The following SNX29 variants were observed in gnomAD, a reference collection of about 807,000 sequenced individuals.
SNX29 encodes the protein sorting nexin-29.
In SNX29, 78 loss-of-function variants were observed where a neutral mutation model predicts 102.1. The ratio of observed to expected loss-of-function variants is 0.76; its 90% CI spans 0.64 to 0.92. The LOEUF is 0.92. Ranked by LOEUF, SNX29 falls within the 40% of genes least tolerant of loss-of-function variation. The pLI is 0.00. For synonymous variants in SNX29, 580 were observed against 414.5 expected (o/e 1.40, Z -4.85); for missense variants, 1,280 against 1,061.7 (o/e 1.21, Z -2.86).
intron 1 of SNX29, among the ~76,000 whole-genome samples, chr16:11,986,732 C>T (rs1482132154): frequency 2.6e-5 from 4 of 152,178 alleles, no homozygotes; most frequent in African/African-American, 9.7e-5. Flanking sequence ...TAGGCGTTTC[C>T]TGTGAAGGGC....
At chr16:12,269,511 A>G (rs2079028773) in intron 14 of SNX29, among the ~76,000 whole-genome samples, 1 of 152,202 alleles carries the variant, frequency 6.6e-6, no homozygotes, top group South Asian at 2.1e-4. Context: ...TTGTGCTTAA[A>G]GCACAATGTA....
chr16:12,089,124 G>A (rs943651223), intron 11 of SNX29, among the ~76,000 whole-genome samples: 11 of 89,144 alleles, frequency 1.2e-4, no homozygotes, highest in African/African-American at 4.7e-4. Context: ...GAGAGAGAGA[G>A]AAAAGAGAGA....
At chr16:12,538,378 C>A (rs11862768) in intron 20 of SNX29, among the ~76,000 whole-genome samples, 78 of 152,328 alleles carry the variant, frequency 5.1e-4, no homozygotes, top group African/African-American at 1.9e-3. Flanking sequence ...GCGTGAGCCA[C>A]CGCGCCCGGC....
At chr16:12,511,741 C>T (rs2089629855) in intron 19 of SNX29, among the ~76,000 whole-genome samples, 1 of 152,140 alleles carries the variant, frequency 6.6e-6, no homozygotes, top group South Asian at 2.1e-4. Flanking sequence ...TCTTGAGCTG[C>T]CCAGGGATTG....
chr16:12,535,430 C>G (rs995836832), intron 20 of SNX29, among the ~76,000 whole-genome samples: 1 of 152,216 alleles, frequency 6.6e-6, no homozygotes, highest in African/African-American at 2.4e-5. Context: ...CTGCGCCTGG[C>G]CAGCTTTTCA....
chr16:12,378,183 C>T (rs2082945857), intron 16 of SNX29, among the ~76,000 whole-genome samples: 2 of 152,168 alleles, frequency 1.3e-5, no homozygotes, highest in Admixed American at 6.6e-5. Flanking sequence ...TTATTTGGCT[C>T]ACGATTCTGA....
intron 13 of SNX29, among the ~76,000 whole-genome samples, chr16:12,145,592 A>T (rs1006024343): frequency 2.0e-5 from 3 of 152,236 alleles, no homozygotes; most frequent in Admixed American, 2.0e-4. Flanking sequence ...CCTGAACACA[A>T]TTACCATCAA....
chr16:12,422,229 G>A (rs936311168), intron 18 of SNX29, among the ~76,000 whole-genome samples: 1 of 152,184 alleles, frequency 6.6e-6, no homozygotes, highest in Non-Finnish European at 1.5e-5. Context: ...CCTTGGGAAG[G>A]TTATTGCACC....
intron 18 of SNX29, among the ~76,000 whole-genome samples, chr16:12,465,548 G>T (rs796944789): frequency 3.3e-5 from 5 of 152,252 alleles, no homozygotes; most frequent in African/African-American, 1.2e-4. Context: ...TCTGGGCTTT[G>T]TTCTGTTCTC....
intron 13 of SNX29, among the ~76,000 whole-genome samples, chr16:12,149,026 A>C (rs968940472): frequency 1.3e-5 from 2 of 152,172 alleles, no homozygotes; most frequent in Non-Finnish European, 2.9e-5. Flanking sequence ...TAGTTCACCG[A>C]TAGATCTATT....
Position 12,398,491 on chromosome 16 carries a change from G to C in SNX29, c.1945G>C (p.Asp649His). 2 of 1,613,962 alleles carry C rather than the reference G, an allele frequency of 1.2e-6. No homozygotes were observed. The highest frequency in any genetic ancestry group is 8.5e-7 in the Non-Finnish European group (1 of 1,179,868). Residue 649 changes from aspartate to histidine, a missense_variant, in exon 17 of 21, where the codon GAT becomes CAT. By Grantham distance (81) the Asp-to-His change is moderately conservative. Transcript: ENST00000566228. ...AACGTCCGAAGACCAGAGTTTGTCGGATTTTGAAATGTAAGTCCACAGCCT... is the reference window on the plus strand; with the variant it reads ...AACGTCCGAAGACCAGAGTTTGTCGCATTTTGAAATGTAAGTCCACAGCCT... ...SQTSEDQSLSDFEISNRALIN... is the reference protein window; with the variant it reads ...SQTSEDQSLSHFEISNRALIN...
At chr16:12,379,863 T>C (rs189232030) in intron 16 of SNX29, among the ~76,000 whole-genome samples, 1 of 152,272 alleles carries the variant, frequency 6.6e-6, no homozygotes, top group Non-Finnish European at 1.5e-5. Flanking sequence ...GACTGTTGTT[T>C]AGCTGCTGAT....
At chr16:12,356,762 A>G (rs2082147741) in intron 16 of SNX29, among the ~76,000 whole-genome samples, 1 of 152,212 alleles carries the variant, frequency 6.6e-6, no homozygotes, top group Non-Finnish European at 1.5e-5. Flanking sequence ...GATATTTTGG[A>G]TCATGTGATT....
In SNX29 at chr16:12,568,895, C is replaced by G. The variant is rs1187450252; in HGVS notation, c.*266C>G. 2.0e-6 allele frequency: 1 copy of G among 502,920 alleles called. No homozygotes were observed. The highest frequency in any genetic ancestry group is 3.4e-6 in the Non-Finnish European group (1 of 289,878). The allele number at this position is 502,920 out of a possible 1,614,324, so 31.2% of individuals were successfully genotyped here. On this transcript the variant is annotated 3_prime_UTR_variant, in exon 21 of 21. Coordinates refer to ENST00000566228, the MANE Select transcript of SNX29 (RefSeq NM_032167.5). ...TGCTTCTGGGGTCTACCCTGGGCTGCAAGGGCTGTTCCTCCACCTTTCTGT... is the reference window on the plus strand; with the variant it reads ...TGCTTCTGGGGTCTACCCTGGGCTGGAAGGGCTGTTCCTCCACCTTTCTGT...
intron 15 of SNX29, among the ~76,000 whole-genome samples, chr16:12,314,307 G>A (rs1255214410): frequency 6.6e-6 from 1 of 152,234 alleles, no homozygotes; most frequent in South Asian, 2.1e-4. Flanking sequence ...CTTGTTAATT[G>A]TAGAAGTACC....
At chr16:12,015,415 A>G (rs149475271) in intron 3 of SNX29, among the ~76,000 whole-genome samples, 1 of 151,506 alleles carries the variant, frequency 6.6e-6, no homozygotes, top group African/African-American at 2.4e-5. Flanking sequence ...TAATTTTTGT[A>G]TTTTAGTAGA....
At chr16:12,123,844 G>C (rs1406567444) in intron 11 of SNX29, among the ~76,000 whole-genome samples, 7 of 152,196 alleles carry the variant, frequency 4.6e-5, no homozygotes, top group African/African-American at 1.7e-4. Context: ...CATGGTCTCT[G>C]TCAAAACAAC....
At chr16:12,150,960 C>T (rs1382655759) in intron 13 of SNX29, among the ~76,000 whole-genome samples, 2 of 152,210 alleles carry the variant, frequency 1.3e-5, no homozygotes, top group African/African-American at 2.4e-5. Flanking sequence ...CCTTGGCTTT[C>T]AGAGGACCTT....
At chr16:12,057,881 A>C (rs1249268062) in intron 8 of SNX29, among the ~76,000 whole-genome samples, 1 of 151,196 alleles carries the variant, frequency 6.6e-6, no homozygotes, top group Non-Finnish European at 1.5e-5. Context: ...ACAGTGGCAC[A>C]ATCTTGGCTC....
Sources: gnomAD v4.1 joint callset for allele counts (sites outside exome capture counted in the v4.1 genomes callset) on GRCh38, gnomAD v4.1.1 for gene constraint, MANE v1.5 for transcripts, NCBI Gene and HGNC (gene_info 2026-07-23, HGNC 2026-07-21) for gene names.